The following IQSEC1 variants were observed in gnomAD, a reference collection of about 807,000 sequenced individuals.
The protein encoded by IQSEC1 is IQ motif and Sec7 domain ArfGEF 1.
A neutral mutation model predicts 91.0 loss-of-function variants in IQSEC1; 31 were observed. That is an observed-to-expected ratio of 0.34 (90% CI 0.26 to 0.46). The LOEUF is 0.46. IQSEC1 is among the 20% of genes least tolerant of loss of function. The probability of loss-of-function intolerance (pLI) is 1.00; values close to 1 mark genes in which losing one functional copy is unlikely to be tolerated. For synonymous variants in IQSEC1, 699 were observed against 662.6 expected (o/e 1.05, Z -0.84); for missense variants, 1,388 against 1,575.6 (o/e 0.88, Z 2.02).
chr3:13,233,217 C>A lies in IQSEC1; in HGVS notation c.272+49494G>T, dbSNP rs899158922. 2.0e-5 allele frequency among the ~76,000 whole-genome samples: 3 copies of A among 152,216 alleles called. No homozygotes were observed. In the East Asian group the frequency reaches 5.8e-4, roughly 29 times the overall value. ...ATTCCAGGGCAGAGTCTCTTAGAGA[C>A]CCAGACTTCAGGTCTGGGACAGAGT... On this transcript the variant is annotated intron_variant, in intron 1 of 15. Transcript: ENST00000648114.
chr3:12,959,397 C>T (rs1309138281), intron 1 of IQSEC1, among the ~76,000 whole-genome samples: 1 of 152,294 alleles, frequency 6.6e-6, no homozygotes, highest in Middle Eastern at 3.4e-3. Flanking sequence ...GGCTGACAGC[C>T]CATTCCACAC....
At chr3:12,901,595 C>A in intron 13 of IQSEC1, 73 bp from the exon 14 acceptor site, 1 of 1,238,100 alleles carries the variant, frequency 8.1e-7, no homozygotes, top group South Asian at 1.4e-5. Context: ...TTTTTTTTTT[C>A]AAATGTAAAA....
intron 1 of IQSEC1, among the ~76,000 whole-genome samples, chr3:13,267,621 CTTTT>C (rs559615780): frequency 7.4e-6 from 1 of 134,630 alleles, no homozygotes; most frequent in Non-Finnish European, 1.6e-5. Flanking sequence ...TTTTCTTTTT[CTTTT>C]TTTTTTTTTT....
intron 1 of IQSEC1, among the ~76,000 whole-genome samples, chr3:13,250,005 G>C (rs1355976871): frequency 2.0e-5 from 3 of 152,232 alleles, no homozygotes; most frequent in Non-Finnish European, 4.4e-5. Flanking sequence ...GTGCAGCTGA[G>C]GTTCTAAGAT....
chr3:13,037,308 C>T (rs1381277699), intron 1 of IQSEC1, among the ~76,000 whole-genome samples: 2 of 152,130 alleles, frequency 1.3e-5, no homozygotes, highest in African/African-American at 4.8e-5. Flanking sequence ...TCCATAAATG[C>T]CCGCAGCCAA....
rs1267240771 is a variant in IQSEC1 at position 12,900,062 on chromosome 3, C to T, written c.*921G>A. 1.3e-5 allele frequency: 13 copies of T among 985,362 alleles called. No individual in the cohort carries two copies. The highest frequency in any genetic ancestry group is 1.4e-5 in the Non-Finnish European group (12 of 829,902). The allele number at this position is 985,362 out of a possible 1,614,324, so 61.0% of individuals were successfully genotyped here. ...CCTAAGACAACCAGCTTGTAACCAG[C>T]TGTCCTGAGTTGCTACTGTAGAGTG... is the stretch of plus-strand genomic sequence containing the variant. On this transcript the variant is annotated 3_prime_UTR_variant, in exon 14 of 14. Coordinates refer to ENST00000613206, the MANE Select transcript of IQSEC1 (RefSeq NM_001134382.3).
At chr3:13,039,994 C>T (rs1395686546) in intron 1 of IQSEC1, among the ~76,000 whole-genome samples, 1 of 152,252 alleles carries the variant, frequency 6.6e-6, no homozygotes, top group Non-Finnish European at 1.5e-5. Context: ...AATCATGACT[C>T]CACTTCGTGG....
At chr3:13,220,208 C>A (rs1694631139) in intron 1 of IQSEC1, among the ~76,000 whole-genome samples, 1 of 152,264 alleles carries the variant, frequency 6.6e-6, no homozygotes, top group Non-Finnish European at 1.5e-5. Flanking sequence ...GGGCCTGGAG[C>A]AAACTGGAGA....
chr3:13,025,229 G>T (rs1444561919), intron 1 of IQSEC1, among the ~76,000 whole-genome samples: 2 of 152,238 alleles, frequency 1.3e-5, no homozygotes, highest in East Asian at 3.8e-4. Context: ...CACCCCCTCA[G>T]CCATTCCATC....
rs1232274282 is a variant in IQSEC1 at position 13,131,038 on chromosome 3, A to AGG, written c.302+33065_302+33066insCC. 5.2e-3 allele frequency among the ~76,000 whole-genome samples: 187 copies of AGG among 36,108 alleles called. 2 individuals are homozygous for AGG. The highest frequency in any genetic ancestry group is 0.042 in the African/African-American group (175 of 4,196). 23.7% of individuals were successfully genotyped at this position (36,108 alleles called of 152,430 possible). On this transcript the variant is annotated intron_variant, in intron 2 of 15. Transcript: ENST00000648114. ...GGAACGGAAGGGAAGGAAGGAAGGAAAGGAAGGAAGGAAGGAAGGAAGGAA... is the reference window on the plus strand; with the variant it reads ...GGAACGGAAGGGAAGGAAGGAAGGAAGGAGGAAGGAAGGAAGGAAGGAAGGAA...
In IQSEC1 at chr3:13,125,016, C is replaced by T. The variant is rs116132825; in HGVS notation, c.302+39088G>A. 5.0e-3 allele frequency among the ~76,000 whole-genome samples: 764 copies of T among 152,328 alleles called. 9 individuals carry two copies. The highest frequency in any genetic ancestry group is 0.017 in the African/African-American group (694 of 41,578). On this transcript the variant is annotated intron_variant, in intron 2 of 15. Coordinates refer to the IQSEC1 transcript ENST00000648114. Reference sequence around the variant, plus strand: ...CATCCTCCTTCTCCAGTCCACACAGCAGCCAGAGGGACCTTTTAACGCAAA... The same window carrying T: ...CATCCTCCTTCTCCAGTCCACACAGTAGCCAGAGGGACCTTTTAACGCAAA...
At chr3:13,093,123 C>G (rs1576246433) in intron 2 of IQSEC1, among the ~76,000 whole-genome samples, 2 of 148,134 alleles carry the variant, frequency 1.4e-5, no homozygotes, top group East Asian at 4.0e-4. Flanking sequence ...CCACACAGGT[C>G]CTGCCCCTGC....
At chr3:12,933,027 C>T (rs1366467151) in intron 3 of IQSEC1, among the ~76,000 whole-genome samples, 6 of 152,264 alleles carry the variant, frequency 3.9e-5, no homozygotes, top group African/African-American at 1.2e-4. Context: ...GGGCGTCCCC[C>T]CAGACAGAGG....
In IQSEC1 at chr3:12,924,801, G is replaced by T; in HGVS notation, c.1569-59C>A. 1 of 1,476,888 alleles carries T rather than the reference G, an allele frequency of 6.8e-7. No individual in the cohort carries two copies. Among genetic ancestry groups the T allele is most frequent in the Non-Finnish European group, 9.1e-7 (1 of 1,096,798 alleles). The allele number at this position is 1,476,888 out of a possible 1,614,324, so 91.5% of individuals were successfully genotyped here. On this transcript the variant is annotated intron_variant, in intron 3 of 13. Coordinates refer to ENST00000613206, the MANE Select transcript of IQSEC1 (RefSeq NM_001134382.3). The surrounding 1 kb of genome is among the most constrained non-coding windows in gnomAD (Gnocchi z 6.3). ...CTGCCCGGCCACCAGCCAGGCACCT[G>T]GAGGGGATCTCCGCTCAGTGGACGG...
intron 1 of IQSEC1, among the ~76,000 whole-genome samples, chr3:13,024,731 CTGTCCATCCATT>C (rs1703548299): frequency 6.6e-6 from 1 of 152,038 alleles, no homozygotes; most frequent in African/African-American, 2.4e-5. Context: ...ATCCACCCAT[CTGTCCATCCATT>C]TGTCCATCCA....
intron 1 of IQSEC1, among the ~76,000 whole-genome samples, chr3:13,192,503 C>T (rs555310351): frequency 6.6e-6 from 1 of 152,258 alleles, no homozygotes; most frequent in Admixed American, 6.5e-5. Context: ...CGTGAAGATG[C>T]AGGAAGACAG....
At chr3:13,035,171 G>C (rs553612497) in intron 1 of IQSEC1, among the ~76,000 whole-genome samples, 3 of 152,350 alleles carry the variant, frequency 2.0e-5, no homozygotes, top group East Asian at 3.9e-4. Context: ...CCTGCCCTTG[G>C]GGGTACAGAG....
At chr3:12,913,319 T>C in intron 9 of IQSEC1, 109 bp downstream of exon 9, 1 of 1,240,486 alleles carries the variant, frequency 8.1e-7, no homozygotes, top group Non-Finnish European at 1.1e-6. Context: ...AAACCCTCCC[T>C]TTTGCACCCC....
chr3:12,904,860 CAT>C (rs577191997), intron 12 of IQSEC1, among the ~76,000 whole-genome samples: 6 of 152,196 alleles, frequency 3.9e-5, no homozygotes, highest in Non-Finnish European at 8.8e-5. Context: ...TGGGGGTCCA[CAT>C]AGTGTCCCCA....
Sources: allele counts gnomAD v4.1 joint callset (sites outside exome capture counted in the v4.1 genomes callset), GRCh38; gene constraint gnomAD v4.1.1; non-coding constraint Gnocchi (gnomAD v3.1); transcripts MANE v1.5; gene names NCBI Gene and HGNC (gene_info 2026-07-23, HGNC 2026-07-21).